The following GDPD4 variants were observed in gnomAD, a reference collection of about 807,000 sequenced individuals.
GDPD4 encodes glycerophosphodiester phosphodiesterase domain containing 4.
Under a neutral mutation model 67.8 loss-of-function variants are expected in GDPD4, and 60 were observed. That is an observed-to-expected ratio of 0.88 (90% CI 0.72 to 1.10). GDPD4 has a LOEUF of 1.10. Ranked by LOEUF, GDPD4 falls within the 50% of genes least tolerant of loss-of-function variation. GDPD4 has a pLI of 0.00. For missense variants in GDPD4, 623 were observed against 613.9 expected, an observed-to-expected ratio of 1.01 and a Z score of -0.16; for synonymous variants, 212 against 210.9, an observed-to-expected ratio of 1.00 and a Z score of -0.04.
At chr11:77,265,120 A>G (rs1003363447) in intron 10 of GDPD4, among the ~76,000 whole-genome samples, 1 of 152,100 alleles carries the variant, frequency 6.6e-6, no homozygotes, top group Non-Finnish European at 1.5e-5. Flanking sequence ...GAAACTATAC[A>G]AGCTTCAATC....
At position 77,243,859 on chromosome 11, in the gene GDPD4, A is replaced by C; in HGVS notation, c.1087-11T>G. 3 of 1,606,870 alleles carry C rather than the reference A, an allele frequency of 1.9e-6. No individual in the cohort carries two copies. Among genetic ancestry groups the C allele is most frequent in the Non-Finnish European group, 2.6e-6 (3 of 1,174,704 alleles). On this transcript the variant is annotated splice_polypyrimidine_tract_variant and intron_variant, in intron 12 of 16. Transcript: ENST00000315938. The stretch of plus-strand genomic sequence containing the variant: ...TGGCAACCAAAAAATCTCTAAGGAG[A>C]AACAAGAAGTCCCTCAGTAGATAAT...
chr11:77,247,004 T>C (rs893814826), intron 11 of GDPD4, among the ~76,000 whole-genome samples: 1 of 152,240 alleles, frequency 6.6e-6, no homozygotes, highest in Non-Finnish European at 1.5e-5. Context: ...TCTCTCTTTT[T>C]CTCTACACAA....
intron 16 of GDPD4, among the ~76,000 whole-genome samples, chr11:77,219,754 C>CAGTA (rs55926304): frequency 0.91 from 137,708 of 151,596 alleles, 62,835 homozygotes; most frequent in Non-Finnish European, 0.96. Context: ...GTTTTGGTAC[C>CAGTA]AGTACCATGC....
chr11:77,271,469 G>T (rs1959224997), intron 5 of GDPD4, 76 bp from the exon 6 acceptor site: 4 of 830,124 alleles, frequency 4.8e-6, no homozygotes, highest in Non-Finnish European at 8.2e-6. Flanking sequence ...AATTATATGT[G>T]TGTCTTCACA....
At chr11:77,290,431 T>C (rs1165343016) in intron 1 of GDPD4, among the ~76,000 whole-genome samples, 1 of 151,714 alleles carries the variant, frequency 6.6e-6, no homozygotes, top group Non-Finnish European at 1.5e-5. Flanking sequence ...CTGACCACAA[T>C]GGAAAAAAAG....
Position 77,246,748 on chromosome 11 carries a change from G to A in GDPD4, c.865-1246C>T, listed in dbSNP as rs547098719. The stretch of plus-strand genomic sequence containing the variant: ...ATTCACATTAGTTCCTTCACTCTCT[G>A]CTGACTCTACTGGAGTGTAACTCCC... On this transcript the variant is annotated intron_variant, in intron 11 of 16. Transcript: ENST00000315938. Among the ~76,000 whole-genome samples the A allele has an allele frequency of 5.3e-5, 8 of 152,226 alleles. No individual in the cohort carries two copies. In the South Asian group the frequency reaches 1.7e-3, roughly 32 times the overall value.
At chr11:77,233,195 A>C in intron 13 of GDPD4, 23 bp from the exon 14 acceptor site, 1 of 1,607,932 alleles carries the variant, frequency 6.2e-7, no homozygotes, top group South Asian at 1.1e-5. Flanking sequence ...CAGAACCCAC[A>C]GGGGATTTAG....
chr11:77,226,256 G>A (rs1958335566), intron 16 of GDPD4, among the ~76,000 whole-genome samples: 3 of 151,986 alleles, frequency 2.0e-5, no homozygotes, highest in Admixed American at 2.0e-4. Context: ...ATTGTTATGG[G>A]CTGAATTATG....
At chr11:77,250,016 A>T (rs1440023730) in intron 11 of GDPD4, among the ~76,000 whole-genome samples, 2 of 152,188 alleles carry the variant, frequency 1.3e-5, no homozygotes, top group Non-Finnish European at 2.9e-5. Context: ...AAAAAGCTTA[A>T]ATTTGACATA....
intron 4 of GDPD4, among the ~76,000 whole-genome samples, chr11:77,278,685 C>T (rs1223177474): frequency 1.3e-5 from 2 of 152,172 alleles, no homozygotes; most frequent in Non-Finnish European, 2.9e-5. Flanking sequence ...AAGTTATCTG[C>T]CCTATGTATA....
intron 16 of GDPD4, among the ~76,000 whole-genome samples, chr11:77,217,947 G>A (rs1276224623): frequency 6.6e-6 from 1 of 152,074 alleles, no homozygotes; most frequent in East Asian, 1.9e-4. Context: ...CTAAAGCCCA[G>A]AACTCAGGTT....
intron 5 of GDPD4, among the ~76,000 whole-genome samples, chr11:77,275,437 T>C (rs1470653969): frequency 6.6e-5 from 10 of 152,180 alleles, no homozygotes; most frequent in Non-Finnish European, 7.4e-5. Context: ...TAAAAAGGAC[T>C]TCAAAAAAGA....
chr11:77,300,202 G>A (rs1257620312), intron 1 of GDPD4, among the ~76,000 whole-genome samples: 1 of 151,596 alleles, frequency 6.6e-6, no homozygotes, highest in African/African-American at 2.4e-5. Context: ...CACTCACCCC[G>A]TCACTCTCTC....
At chr11:77,265,825 C>T (rs1271169841) in intron 10 of GDPD4, among the ~76,000 whole-genome samples, 1 of 152,088 alleles carries the variant, frequency 6.6e-6, no homozygotes, top group African/African-American at 2.4e-5. Context: ...ACTTCTCTGC[C>T]TCCTTCACCC....
chr11:77,227,747 AC>A, intron 16 of GDPD4, 116 bp downstream of exon 16: 1 of 407,386 alleles, frequency 2.5e-6, no homozygotes, highest in Non-Finnish European at 4.9e-6. Flanking sequence ...CCCCAACCCC[AC>A]CCCCAACTTT....
At chr11:77,229,427 C>T (rs538876623) in intron 14 of GDPD4, among the ~76,000 whole-genome samples, 195 bp from the exon 15 acceptor site, 1 of 152,326 alleles carries the variant, frequency 6.6e-6, no homozygotes, top group East Asian at 1.9e-4. Flanking sequence ...CACCCTTATA[C>T]ATGCAGGGGG....
Position 77,217,113 on chromosome 11 carries a change from C to T in GDPD4, c.*164G>A, listed in dbSNP as rs552616366. On this transcript the variant is annotated 3_prime_UTR_variant, in exon 17 of 17. Transcript: ENST00000315938. Reference sequence around the variant, plus strand: ...TGCTTGCCAGGCTTCAAAGGTGTGACAGCATTCTTGATAGGTAGTAGTTTC... The same window carrying T: ...TGCTTGCCAGGCTTCAAAGGTGTGATAGCATTCTTGATAGGTAGTAGTTTC... The T allele has an allele frequency of 2.1e-5, 15 of 716,234 alleles. No homozygotes were observed. The highest frequency in any genetic ancestry group is 3.3e-5 in the Non-Finnish European group (13 of 388,666). 44.4% of individuals were successfully genotyped at this position (716,234 alleles called of 1,614,324 possible). A position where few individuals can be genotyped will look rare whatever the true frequency, so the allele number is the denominator to read the frequency against.
In GDPD4 at chr11:77,243,817, T is replaced by G. The variant is rs1238505155; in HGVS notation, c.1118A>C (p.Tyr373Ser). Residue 373 changes from tyrosine to serine, a missense_variant, in exon 13 of 17, where the codon TAC becomes TCC. By Grantham distance (144) the Tyr-to-Ser change is moderately radical. Coordinates refer to ENST00000315938, the MANE Select transcript of GDPD4 (RefSeq NM_182833.3). ...IFWLPAHDRQ[Y>S]VRSVAPGFQH... ...AAAACCAGGAGCCACGGACCTGACG[T>G]ATTGCCTATCATGAGCTGGCAACCA... 1.2e-6 allele frequency: 2 copies of G among 1,613,766 alleles called. No individual in the cohort carries two copies. The highest frequency in any genetic ancestry group is 1.7e-6 in the Non-Finnish European group (2 of 1,179,818).
chr11:77,244,630 A>T (rs1044719682), intron 12 of GDPD4, among the ~76,000 whole-genome samples: 14 of 152,220 alleles, frequency 9.2e-5, no homozygotes, highest in Admixed American at 7.2e-4. Flanking sequence ...CTTGAGCCCA[A>T]GAGTTTGAGA....
Sources: gnomAD v4.1 joint callset for allele counts (sites outside exome capture counted in the v4.1 genomes callset) on GRCh38, gnomAD v4.1.1 for gene constraint, MANE v1.5 for transcripts, NCBI Gene and HGNC (gene_info 2026-07-23, HGNC 2026-07-21) for gene names.